PRKG1: variants seen among roughly 807,000 people sequenced by gnomAD.
PRKG1 encodes protein kinase cGMP-dependent 1, also known as cGMP-dependent protein kinase 1.
In PRKG1, 35 loss-of-function variants were observed where a neutral mutation model predicts 88.1. That is an observed-to-expected ratio of 0.40 (90% CI 0.30 to 0.53). The LOEUF is 0.53. Ranked by LOEUF, PRKG1 falls within the 20% of genes least tolerant of loss-of-function variation. The pLI is 0.59. For synonymous variants in PRKG1, 303 were observed against 292.5 expected, an observed-to-expected ratio of 1.04 and a Z score of -0.37; for missense variants, 540 against 839.8, an observed-to-expected ratio of 0.64 and a Z score of 4.41.
intron 3 of PRKG1, among the ~76,000 whole-genome samples, chr10:51,781,282 T>C (rs1465844931): frequency 6.6e-6 from 1 of 152,128 alleles, no homozygotes; most frequent in Admixed American, 6.6e-5. Flanking sequence ...TGGGTCTGCA[T>C]GTGTATTTAT....
chr10:52,204,178 G>C (rs1486805951), intron 9 of PRKG1, among the ~76,000 whole-genome samples: 1 of 151,830 alleles, frequency 6.6e-6, no homozygotes, highest in Non-Finnish European at 1.5e-5. Context: ...TCGGCTTACT[G>C]CAGCCTCCAC....
At chr10:51,659,464 A>T (rs1409590887) in intron 3 of PRKG1, among the ~76,000 whole-genome samples, 1 of 152,166 alleles carries the variant, frequency 6.6e-6, no homozygotes, top group African/African-American at 2.4e-5. Context: ...TTAATAATCT[A>T]TAACAAATGA....
chr10:52,169,085 C>A (rs897828415), intron 9 of PRKG1, among the ~76,000 whole-genome samples: 1 of 151,918 alleles, frequency 6.6e-6, no homozygotes, highest in African/African-American at 2.4e-5. Flanking sequence ...AGGATTGATT[C>A]TTGATGAATG....
At chr10:51,854,668 T>C (rs1840635494) in intron 4 of PRKG1, among the ~76,000 whole-genome samples, 1 of 152,094 alleles carries the variant, frequency 6.6e-6, no homozygotes, top group South Asian at 2.1e-4. Flanking sequence ...TACATAAGCA[T>C]GAATTAGTTT....
intron 5 of PRKG1, among the ~76,000 whole-genome samples, chr10:51,954,542 G>C (rs888002008): frequency 6.6e-6 from 1 of 152,240 alleles, no homozygotes; most frequent in Middle Eastern, 3.4e-3. Context: ...TACCACACTT[G>C]AAATGCTTTG....
At chr10:51,879,425 T>A (rs1052879966) in intron 4 of PRKG1, among the ~76,000 whole-genome samples, 7 of 152,176 alleles carry the variant, frequency 4.6e-5, no homozygotes, top group African/African-American at 1.7e-4. Context: ...CATACAGAAC[T>A]ATGATTCATG....
chr10:51,341,308 T>A (rs980977777), intron 2 of PRKG1, among the ~76,000 whole-genome samples: 2 of 152,226 alleles, frequency 1.3e-5, no homozygotes, highest in South Asian at 4.1e-4. Context: ...TTTGAGGTTT[T>A]ATATTGTAAA....
chr10:52,207,193 G>A (rs1839842114), intron 9 of PRKG1, among the ~76,000 whole-genome samples: 1 of 152,148 alleles, frequency 6.6e-6, no homozygotes, highest in South Asian at 2.1e-4. Flanking sequence ...GCATGCCCTG[G>A]AAAAACAGTG....
rs1325361793 is a variant in PRKG1, at chr10:51,555,850, C to T, written c.592+88014C>T. On this transcript the variant is annotated intron_variant, in intron 3 of 17. Transcript: ENST00000373980. ...TCATCTGTATGATGGATGAGCAGGA[C>T]TAGCTGTTCTCTGATACCCCCTACA... Among the ~76,000 whole-genome samples, 16 of 151,962 alleles carry T rather than the reference C, an allele frequency of 1.1e-4. No individual in the cohort carries two copies. In the Admixed American group the frequency reaches 1.1e-3, roughly 10 times the overall value.
At chr10:52,085,135 A>T (rs1846879141) in intron 7 of PRKG1, among the ~76,000 whole-genome samples, 1 of 152,200 alleles carries the variant, frequency 6.6e-6, no homozygotes, top group Admixed American at 6.6e-5. Context: ...CAGCTAGGTC[A>T]TTGCTCAGAG....
At position 52,234,698 on chromosome 10, in the gene PRKG1, C is replaced by A. The variant is rs951841618; in HGVS notation, c.1077-16872C>A. 7.5e-4 allele frequency among the ~76,000 whole-genome samples: 94 copies of A among 125,316 alleles called. 3 individuals are homozygous for A. Among genetic ancestry groups the A allele is most frequent in the Middle Eastern group, 3.6e-3 (1 of 276 alleles). The allele number at this position is 125,316 out of a possible 152,430, so 82.2% of individuals were successfully genotyped here. ...CCAAATCTACGTCTGATTGGTGTACCTGAAAGTGACGGGGAGAATGGAACC... is the reference window on the plus strand; with the variant it reads ...CCAAATCTACGTCTGATTGGTGTACATGAAAGTGACGGGGAGAATGGAACC... On this transcript the variant is annotated intron_variant, in intron 9 of 17. Coordinates refer to ENST00000373980, the MANE Select transcript of PRKG1 (RefSeq NM_006258.4).
chr10:51,370,541 G>A (rs1248458614), intron 2 of PRKG1, among the ~76,000 whole-genome samples: 1 of 150,566 alleles, frequency 6.6e-6, no homozygotes, highest in Non-Finnish European at 1.5e-5. Context: ...TGTAAGGAAA[G>A]TTTAGTCCCA....
chr10:52,072,011 G>A (rs545734152), intron 7 of PRKG1, among the ~76,000 whole-genome samples: 53 of 152,026 alleles, frequency 3.5e-4, no homozygotes, highest in African/African-American at 1.3e-3. Context: ...CCTTATGAAG[G>A]ACTCAGTCCC....
chr10:51,904,602 A>T (rs1257214559), intron 4 of PRKG1, among the ~76,000 whole-genome samples: 1 of 152,108 alleles, frequency 6.6e-6, no homozygotes, highest in South Asian at 2.1e-4. Flanking sequence ...TTTTCACAGT[A>T]ATTTATGACA....
chr10:52,083,617 TTTGAG>T lies in PRKG1; in HGVS notation c.935+20989_935+20993del, dbSNP rs1165679936. Among the ~76,000 whole-genome samples the T allele has an allele frequency of 2.6e-5, 4 of 152,128 alleles. No individual in the cohort carries two copies. In the East Asian group the frequency reaches 7.7e-4, roughly 29 times the overall value. ...GAAATTATTCATGTAAAATTGCCGC[TTTGAG>T]TTATTTTACAAAAGTGGTTTTCTGA... On this transcript the variant is annotated intron_variant, in intron 7 of 17. Coordinates refer to ENST00000373980, the MANE Select transcript of PRKG1 (RefSeq NM_006258.4).
intron 2 of PRKG1, among the ~76,000 whole-genome samples, chr10:51,234,607 A>G (rs1838934821): frequency 6.6e-6 from 1 of 152,204 alleles, no homozygotes; most frequent in African/African-American, 2.4e-5. Flanking sequence ...TCCACTTTAA[A>G]TAGAACACGG....
chr10:52,159,240 G>A (rs990046484), intron 8 of PRKG1, among the ~76,000 whole-genome samples: 8 of 151,360 alleles, frequency 5.3e-5, no homozygotes, highest in Non-Finnish European at 1.2e-4. Flanking sequence ...ATTTTTACAG[G>A]TCTTTTGTAG....
intron 2 of PRKG1, among the ~76,000 whole-genome samples, chr10:51,292,642 T>G (rs905855877): frequency 2.6e-5 from 4 of 152,156 alleles, no homozygotes; most frequent in African/African-American, 9.7e-5. Context: ...TTATATTGGT[T>G]CCTTCCAACT....
chr10:51,045,897 A>G (rs546465018), intron 1 of PRKG1, among the ~76,000 whole-genome samples: 1 of 152,322 alleles, frequency 6.6e-6, no homozygotes, highest in East Asian at 1.9e-4. Context: ...AAAAATTGAT[A>G]GTTTACTTTT....
Sources: gnomAD v4.1 joint callset for allele counts (sites outside exome capture counted in the v4.1 genomes callset) on GRCh38, gnomAD v4.1.1 for gene constraint, MANE v1.5 for transcripts, NCBI Gene and HGNC (gene_info 2026-07-23, HGNC 2026-07-21) for gene names.